The following ZBTB7C variants were observed in gnomAD, a reference collection of about 807,000 sequenced individuals.
The protein encoded by ZBTB7C is zinc finger and BTB domain containing 7C, also known as zinc finger and BTB domain-containing protein 7C.
ZBTB7C carries 8 observed loss-of-function variants against 25.7 expected under a neutral mutation model. The ratio of observed to expected loss-of-function variants is 0.31; its 90% CI spans 0.18 to 0.56. The LOEUF is 0.56. ZBTB7C is among the 20% of genes least tolerant of loss of function. The pLI, the probability that ZBTB7C is intolerant of heterozygous loss-of-function variation, is 0.91. For synonymous variants in ZBTB7C, 394 were observed against 369.0 expected, an observed-to-expected ratio of 1.07 and a Z score of -0.78; for missense variants, 824 against 855.2, an observed-to-expected ratio of 0.96 and a Z score of 0.46.
At chr18:48,121,260 C>T (rs2039619187) in intron 3 of ZBTB7C, among the ~76,000 whole-genome samples, 1 of 152,186 alleles carries the variant, frequency 6.6e-6, no homozygotes, top group Non-Finnish European at 1.5e-5. Context: ...GTATAAGCAA[C>T]TGTCAGACAT....
intron 2 of ZBTB7C, among the ~76,000 whole-genome samples, chr18:48,303,304 T>C (rs2045588686): frequency 1.3e-5 from 2 of 152,198 alleles, no homozygotes; most frequent in South Asian, 4.1e-4. Context: ...TCCCTGAGAA[T>C]CACCAAGGCT....
chr18:48,151,720 C>A (rs1598978875), intron 3 of ZBTB7C, among the ~76,000 whole-genome samples: 1 of 152,196 alleles, frequency 6.6e-6, no homozygotes, highest in East Asian at 1.9e-4. Context: ...CACATTCTCT[C>A]TCTGTTCCAA....
intron 2 of ZBTB7C, among the ~76,000 whole-genome samples, chr18:48,248,042 T>C (rs983827384): frequency 1.1e-4 from 16 of 152,172 alleles, no homozygotes; most frequent in Admixed American, 9.8e-4. Context: ...AAATAGGAGT[T>C]CCCCTGCACA....
intron 2 of ZBTB7C, among the ~76,000 whole-genome samples, chr18:48,201,602 C>G (rs2042450391): frequency 6.6e-6 from 1 of 151,990 alleles, no homozygotes; most frequent in African/African-American, 2.4e-5. Context: ...TGTCCTGCCT[C>G]TCCTCCTGCC....
At chr18:48,285,773 A>T (rs1039031005) in intron 2 of ZBTB7C, among the ~76,000 whole-genome samples, 20 of 152,208 alleles carry the variant, frequency 1.3e-4, no homozygotes, top group African/African-American at 4.6e-4. Flanking sequence ...GGAGAGTTTT[A>T]TCTGTTTTGG....
intron 2 of ZBTB7C, among the ~76,000 whole-genome samples, chr18:48,275,664 T>C (rs978969663): frequency 6.6e-6 from 1 of 151,794 alleles, no homozygotes; most frequent in Non-Finnish European, 1.5e-5. Flanking sequence ...ACTTTTCCCC[T>C]GCACTTGTAT....
intron 2 of ZBTB7C, among the ~76,000 whole-genome samples, chr18:48,242,459 C>T (rs2043555154): frequency 6.6e-6 from 1 of 152,158 alleles, no homozygotes; most frequent in Non-Finnish European, 1.5e-5. Context: ...AAAATAGCAG[C>T]TAACCAATTC....
At chr18:48,100,797 C>T (rs945147267) in intron 3 of ZBTB7C, among the ~76,000 whole-genome samples, 9 of 152,060 alleles carry the variant, frequency 5.9e-5, no homozygotes, top group African/African-American at 2.2e-4. Context: ...GGCAGGCTTG[C>T]CTTTGGAAAA....
intron 1 of ZBTB7C, among the ~76,000 whole-genome samples, chr18:48,393,538 G>T (rs1193415054): frequency 6.6e-6 from 1 of 152,078 alleles, no homozygotes; most frequent in Non-Finnish European, 1.5e-5. Context: ...AATGTTAAAA[G>T]AATGTCTTAA....
chr18:48,230,776 G>A (rs2043229454), intron 2 of ZBTB7C, among the ~76,000 whole-genome samples: 1 of 152,150 alleles, frequency 6.6e-6, no homozygotes, highest in Non-Finnish European at 1.5e-5. Context: ...CACTGCTAGG[G>A]GAAGGTGCAG....
At chr18:48,396,251 A>T (rs1282219091) in intron 1 of ZBTB7C, among the ~76,000 whole-genome samples, 1 of 152,210 alleles carries the variant, frequency 6.6e-6, no homozygotes, top group African/African-American at 2.4e-5. Context: ...CCAGCTGATG[A>T]GCAAGATTTC....
At chr18:48,149,804 T>TC (rs1491124407) in intron 3 of ZBTB7C, 1 of 120,226 alleles carries the variant, frequency 8.3e-6, no homozygotes, top group Non-Finnish European at 1.8e-5. Context: ...TTCTTCTTCT[T>TC]CTTTTTTTTT....
At chr18:48,163,497 T>C (rs1422275227) in intron 3 of ZBTB7C, among the ~76,000 whole-genome samples, 2 of 152,064 alleles carry the variant, frequency 1.3e-5, no homozygotes, top group Non-Finnish European at 2.9e-5. Context: ...GAAATGGAAA[T>C]GGAGTGGGGC....
intron 2 of ZBTB7C, among the ~76,000 whole-genome samples, chr18:48,229,093 T>C (rs910569261): frequency 2.0e-5 from 3 of 152,036 alleles, no homozygotes; most frequent in Admixed American, 2.0e-4. Flanking sequence ...AAACAGCATG[T>C]TCGTCCCGCT....
At chr18:48,066,352 G>T (rs1249816062) in intron 3 of ZBTB7C, among the ~76,000 whole-genome samples, 3 of 152,218 alleles carry the variant, frequency 2.0e-5, no homozygotes, top group Non-Finnish European at 4.4e-5. Flanking sequence ...CCAAGCCCTG[G>T]GGGGGCGGAG....
At chr18:48,334,844 T>G (rs1328661692) in intron 2 of ZBTB7C, among the ~76,000 whole-genome samples, 1 of 152,138 alleles carries the variant, frequency 6.6e-6, no homozygotes, top group Admixed American at 6.5e-5. Flanking sequence ...ATGAAGGACA[T>G]GGAGCTTTTA....
At chr18:48,323,301 A>G (rs1031532113) in intron 2 of ZBTB7C, among the ~76,000 whole-genome samples, 3 of 152,184 alleles carry the variant, frequency 2.0e-5, no homozygotes, top group African/African-American at 7.2e-5. Flanking sequence ...CCTCTGGCCA[A>G]TATTTGTACA....
chr18:48,068,534 C>T (rs918178155), intron 3 of ZBTB7C, among the ~76,000 whole-genome samples: 10 of 152,046 alleles, frequency 6.6e-5, no homozygotes, highest in Non-Finnish European at 1.2e-4. Flanking sequence ...GCATCTAGAC[C>T]CCAACCCCAG....
At chr18:48,266,884 G>C (rs1425303462) in intron 2 of ZBTB7C, among the ~76,000 whole-genome samples, 1 of 151,910 alleles carries the variant, frequency 6.6e-6, no homozygotes, top group Non-Finnish European at 1.5e-5. Flanking sequence ...GCTAGCAAAA[G>C]GAATATTATA....
Sources: allele counts gnomAD v4.1 joint callset (sites outside exome capture counted in the v4.1 genomes callset), GRCh38; gene constraint gnomAD v4.1.1; transcripts MANE v1.5; gene names NCBI Gene and HGNC (gene_info 2026-07-23, HGNC 2026-07-21).